RNF14: variants seen among roughly 807,000 people sequenced by gnomAD.
The protein encoded by RNF14 is ring finger protein 14.
Under a neutral mutation model 52.6 loss-of-function variants are expected in RNF14, and 26 were observed. That is an observed-to-expected ratio of 0.49 (90% CI 0.36 to 0.69). The LOEUF is 0.69. Ranked by LOEUF, RNF14 falls within the 30% of genes least tolerant of loss-of-function variation. The pLI is 0.00. For missense variants in RNF14, 404 were observed against 560.4 expected, an observed-to-expected ratio of 0.72 and a Z score of 2.82; for synonymous variants, 194 against 202.0, an observed-to-expected ratio of 0.96 and a Z score of 0.34.
chr5:141,955,329 C>T, upstream of RNF14: 1 of 1,614,186 alleles, frequency 6.2e-7, no homozygotes. This position sits in a 1 kb window ranked among gnomAD's most constrained non-coding sequence, Gnocchi z 5.5. Flanking sequence ...TGTCTTGCAG[C>T]ACCTCTCGGC....
chr5:141,987,607 A>G (rs1484386405), intron 8 of RNF14, 126 bp from the exon 9 acceptor site: 30 of 895,180 alleles, frequency 3.4e-5, no homozygotes, highest in South Asian at 6.0e-5. Context: ...CCTCAGTGCA[A>G]TGATTAAAGG....
At chr5:141,987,108 G>A (rs1596717667) in intron 8 of RNF14, among the ~76,000 whole-genome samples, 1 of 152,170 alleles carries the variant, frequency 6.6e-6, no homozygotes, top group South Asian at 2.1e-4. Context: ...GTTGATATCA[G>A]CGGTGGAGCA....
At chr5:141,984,595 AT>A (rs1361950434) in intron 7 of RNF14, among the ~76,000 whole-genome samples, 4 of 152,300 alleles carry the variant, frequency 2.6e-5, no homozygotes, top group African/African-American at 9.6e-5. Flanking sequence ...CAAGTAACTA[AT>A]TGTAGTAACA....
At chr5:141,971,620 CTTCT>C (rs1753785230) in intron 2 of RNF14, among the ~76,000 whole-genome samples, 1 of 89,398 alleles carries the variant, frequency 1.1e-5, no homozygotes, top group African/African-American at 4.5e-5. Flanking sequence ...TCCTTTCTTT[CTTCT>C]TTCTTTCTTT....
Position 141,983,417 on chromosome 5 carries a change from G to A in RNF14, c.1101G>A (p.Ala367=), listed in dbSNP as rs750826178. ...ACTTACGAAATGAATACCTGCAAGC[G>A]GATGAGGCTAATAAAAGACTTTTGG... The part of the protein sequence containing the change: ...LMDLRNEYLQ[A]DEANKRLLDQ... Residue 367 remains alanine (A), a synonymous_variant, in exon 7 of 9, where the codon GCG becomes GCA. Coordinates refer to ENST00000394520, the MANE Select transcript of RNF14 (RefSeq NM_004290.5). The A allele has an allele frequency of 1.7e-5, 28 of 1,613,180 alleles. No homozygotes were observed. Among genetic ancestry groups the A allele is most frequent in the Non-Finnish European group, 2.1e-5 (25 of 1,179,758 alleles).
chr5:141,949,661 AT>A, the RNF14 span: 2 of 1,532,878 alleles, frequency 1.3e-6, no homozygotes, highest in Non-Finnish European at 1.8e-6. Flanking sequence ...TCATGTTTGC[AT>A]TCATTTACCC....
At chr5:141,966,652 G>T (rs1374924621), upstream of RNF14, among the ~76,000 whole-genome samples, 1 of 152,196 alleles carries the variant, frequency 6.6e-6, no homozygotes, top group African/African-American at 2.4e-5. Flanking sequence ...AAACTTATTA[G>T]AAGGCTGTCT....
chr5:141,981,526 C>T (rs1207955045), intron 6 of RNF14: 1 of 152,114 alleles, frequency 6.6e-6, no homozygotes, highest in Non-Finnish European at 1.5e-5. Context: ...TAAACTGGGC[C>T]TTTACCATAA....
chr5:141,955,122 C>G, upstream of RNF14: 1 of 1,614,236 alleles, frequency 6.2e-7, no homozygotes, highest in Non-Finnish European at 8.5e-7. This position sits in a 1 kb window ranked among gnomAD's most constrained non-coding sequence, Gnocchi z 5.5. Context: ...GCTGCCGTCT[C>G]AGGGTTGCAG....
At chr5:141,955,614 G>A (rs374855332), upstream of RNF14, 2 of 1,614,112 alleles carry the variant, frequency 1.2e-6, no homozygotes, top group Non-Finnish European at 1.7e-6. This position sits in a 1 kb window ranked among gnomAD's most constrained non-coding sequence, Gnocchi z 5.5. Context: ...AGGCCCTGTT[G>A]TCCTTCTTTT....
chr5:141,965,229 G>T (rs252142), upstream of RNF14, among the ~76,000 whole-genome samples: 134,536 of 152,208 alleles, frequency 0.88, 59,738 homozygotes, highest in East Asian at 0.98. Context: ...GCAAAGTTTC[G>T]GGACAGCTAC....
upstream of RNF14, among the ~76,000 whole-genome samples, chr5:141,962,187 C>G (rs2126936974): frequency 6.6e-6 from 1 of 152,314 alleles, no homozygotes; most frequent in South Asian, 2.1e-4. Context: ...TTTGTTGAGA[C>G]AGATGACAGG....
upstream of RNF14, among the ~76,000 whole-genome samples, chr5:141,963,914 G>A (rs529715939): frequency 6.6e-6 from 1 of 152,278 alleles, no homozygotes; most frequent in Non-Finnish European, 1.5e-5. Context: ...GAGAGAAACA[G>A]CCACACACTG....
At chr5:141,984,101 C>CTTTT (rs201857998) in intron 7 of RNF14, among the ~76,000 whole-genome samples, 1 of 136,656 alleles carries the variant, frequency 7.3e-6, no homozygotes, top group Non-Finnish European at 1.6e-5. Context: ...TATGTAATCA[C>CTTTT]TTTTTTTTTT....
chr5:141,960,237 ACAAGGCAAGGGG>A (rs1432594116), intron 1 of RNF14, among the ~76,000 whole-genome samples: 1 of 152,184 alleles, frequency 6.6e-6, no homozygotes, highest in East Asian at 1.9e-4. Context: ...CTGACAGTGA[ACAAGGCAAGGGG>A]CTGACAGTCG....
At chr5:141,981,011 C>G (rs974642511) in intron 6 of RNF14, among the ~76,000 whole-genome samples, 6 of 152,156 alleles carry the variant, frequency 3.9e-5, no homozygotes, top group African/African-American at 1.4e-4. Flanking sequence ...CGTTTCCAGT[C>G]TACGTAAGGA....
At position 141,976,335 on chromosome 5, in the gene RNF14, G is replaced by A. The variant is rs1454454474; in HGVS notation, c.306+1380G>A. Among the ~76,000 whole-genome samples, 8 of 152,254 alleles carry A rather than the reference G, an allele frequency of 5.3e-5. No homozygotes were observed. In the East Asian group the frequency reaches 1.2e-3, roughly 22 times the overall value. ...TGCATGCACGTGCATGCACACACAC[G>A]CACAAAACAGGGACAGATTAACTGG... On this transcript the variant is annotated intron_variant, in intron 4 of 8. Transcript: ENST00000394520.
At chr5:141,960,562 G>A (rs1753265830) in intron 1 of RNF14, among the ~76,000 whole-genome samples, 1 of 152,198 alleles carries the variant, frequency 6.6e-6, no homozygotes, top group South Asian at 2.1e-4. Flanking sequence ...GCAGTGGCCT[G>A]GGTTCCCATG....
upstream of RNF14, chr5:141,956,087 G>A (rs1211985619): frequency 6.2e-7 from 1 of 1,614,100 alleles, no homozygotes; most frequent in African/African-American, 1.3e-5. Context: ...ATGGGCACCA[G>A]CAGGTGGCCT....
Sources: allele counts gnomAD v4.1 joint callset (sites outside exome capture counted in the v4.1 genomes callset), GRCh38; gene constraint gnomAD v4.1.1; non-coding constraint Gnocchi (gnomAD v3.1); transcripts MANE v1.5; gene names NCBI Gene and HGNC (gene_info 2026-07-23, HGNC 2026-07-21).